AFAP1L2: variants seen among roughly 807,000 people sequenced by gnomAD.
AFAP1L2 encodes actin filament associated protein 1 like 2, also known as actin filament-associated protein 1-like 2.
AFAP1L2 carries 46 observed loss-of-function variants against 99.3 expected under a neutral mutation model. The ratio of observed to expected loss-of-function variants is 0.46; its 90% confidence interval spans 0.37 to 0.59. AFAP1L2 has a LOEUF of 0.59. AFAP1L2 is among the 20% of genes least tolerant of loss of function. The pLI, the probability that AFAP1L2 is intolerant of heterozygous loss-of-function variation, is 0.00. For missense variants in AFAP1L2, 959 were observed against 1,034.9 expected, an observed-to-expected ratio of 0.93 and a Z score of 1.01; for synonymous variants, 397 against 419.1, an observed-to-expected ratio of 0.95 and a Z score of 0.64.
In AFAP1L2 at chr10:114,331,889, C is replaced by A; in HGVS notation, c.229G>T (p.Glu77Ter). ...NAESQGKAPEEQGLLPNGEPS... is the reference protein window; with the variant it reads ...NAESQGKAPE ...TCCCCATTGGGTAGCAGGCCCTGCTCCTCAGGCGCTGCGGGCAGCAAAAGG... is the reference window on the plus strand; with the variant it reads ...TCCCCATTGGGTAGCAGGCCCTGCTACTCAGGCGCTGCGGGCAGCAAAAGG... Residue 77 changes from glutamate (E) to a stop codon, truncating the protein, a stop_gained, in exon 4 of 19, where the codon GAG becomes TAG. Coordinates refer to ENST00000304129, the MANE Select transcript of AFAP1L2 (RefSeq NM_001001936.3). LOFTEE classifies it high-confidence loss of function. The A allele has an allele frequency of 7.6e-7, 1 of 1,316,032 alleles. No individual in the cohort carries two copies. Among genetic ancestry groups the A allele is most frequent in the South Asian group, 2.4e-5 (1 of 42,528 alleles). 81.5% of individuals were successfully genotyped at this position (1,316,032 alleles called of 1,614,324 possible).
At chr10:114,324,278 C>T (rs1163515879) in intron 4 of AFAP1L2, among the ~76,000 whole-genome samples, 1 of 152,206 alleles carries the variant, frequency 6.6e-6, no homozygotes, top group Admixed American at 6.5e-5. Flanking sequence ...GAGTCTCATT[C>T]TGTCACCCAG....
chr10:114,332,572 T>C (rs2047396110), intron 3 of AFAP1L2, among the ~76,000 whole-genome samples: 2 of 152,196 alleles, frequency 1.3e-5, no homozygotes, highest in Non-Finnish European at 2.9e-5. Context: ...GCCTTTGTGG[T>C]TAAGTCACAG....
At chr10:114,374,931 A>T (rs2054607013) in intron 1 of AFAP1L2, among the ~76,000 whole-genome samples, 1 of 152,074 alleles carries the variant, frequency 6.6e-6, no homozygotes. Flanking sequence ...GGAGTTTGTC[A>T]TTAGACCAGA....
intron 2 of AFAP1L2, among the ~76,000 whole-genome samples, chr10:114,339,008 T>C (rs1361472228): frequency 6.6e-6 from 1 of 152,214 alleles, no homozygotes; most frequent in Non-Finnish European, 1.5e-5. Flanking sequence ...AGGTCTCAGT[T>C]TCCCCCTCTA....
chr10:114,340,527 C>T (rs1459002746), intron 2 of AFAP1L2, 76 bp downstream of exon 2: 1 of 1,517,196 alleles, frequency 6.6e-7, no homozygotes, highest in Non-Finnish European at 8.9e-7. Flanking sequence ...TGATCCTTAG[C>T]TATGGCAGCC....
intron 2 of AFAP1L2, 127 bp downstream of exon 2, chr10:114,340,476 G>C (rs1378665737): frequency 2.3e-6 from 3 of 1,319,590 alleles, no homozygotes; most frequent in Non-Finnish European, 3.1e-6. Flanking sequence ...CTGGCCTCCA[G>C]AAGTGTGAGA....
At chr10:114,375,998 A>T (rs2054746498) in intron 1 of AFAP1L2, among the ~76,000 whole-genome samples, 1 of 152,150 alleles carries the variant, frequency 6.6e-6, no homozygotes, top group African/African-American at 2.4e-5. Flanking sequence ...CAGAAAAGTG[A>T]CTTCAATTTT....
intron 1 of AFAP1L2, among the ~76,000 whole-genome samples, chr10:114,355,515 G>A (rs2051227457): frequency 6.6e-6 from 1 of 151,648 alleles, no homozygotes; most frequent in African/African-American, 2.4e-5. Flanking sequence ...GGTGGGCTGT[G>A]CTGTCAATTC....
At chr10:114,342,247 A>T (rs2048925710) in intron 1 of AFAP1L2, among the ~76,000 whole-genome samples, 1 of 152,182 alleles carries the variant, frequency 6.6e-6, no homozygotes, top group South Asian at 2.1e-4. Flanking sequence ...GTGGTCATCC[A>T]ACACTCCTAG....
intron 1 of AFAP1L2, among the ~76,000 whole-genome samples, chr10:114,370,348 T>C (rs1301869763): frequency 3.3e-5 from 5 of 152,178 alleles, no homozygotes. Context: ...TTGCTAAAAA[T>C]GTTTCTTTGC....
intron 1 of AFAP1L2, among the ~76,000 whole-genome samples, chr10:114,362,791 G>C (rs145982715): frequency 6.6e-5 from 10 of 152,254 alleles, no homozygotes; most frequent in African/African-American, 2.4e-4. Flanking sequence ...ACTTACAAAA[G>C]ATTAACCTCA....
In AFAP1L2 at chr10:114,310,259, T is replaced by C. The variant is rs186024757; in HGVS notation, c.882+95A>G. 9.8e-5 allele frequency: 125 copies of C among 1,275,438 alleles called. 1 individual carries two copies. Among genetic ancestry groups the C allele is most frequent in the Middle Eastern group, 7.7e-4 (4 of 5,202 alleles). 79.0% of individuals were successfully genotyped at this position (1,275,438 alleles called of 1,614,324 possible). On this transcript the variant is annotated intron_variant, in intron 8 of 18. Transcript: ENST00000304129. ...ATTGTATGTTTCTTATTAATTGGAC[T>C]GAAATATAAAAACGAAGCTCCCAAT... is the stretch of plus-strand genomic sequence containing the variant.
intron 1 of AFAP1L2, among the ~76,000 whole-genome samples, chr10:114,360,517 A>ATAGATAGATAGATAGATAGT (rs1554937735): frequency 1.4e-3 from 170 of 125,844 alleles, no homozygotes; most frequent in East Asian, 8.3e-3. Flanking sequence ...AGTTAGATAG[A>ATAGATAGATAGATAGATAGT]TAGATAGATA....
intron 1 of AFAP1L2, among the ~76,000 whole-genome samples, chr10:114,387,241 C>T (rs2056613067): frequency 6.6e-6 from 1 of 152,174 alleles, no homozygotes; most frequent in South Asian, 2.1e-4. Context: ...TTTCAAAACA[C>T]TTTTATGCAT....
intron 1 of AFAP1L2, among the ~76,000 whole-genome samples, chr10:114,350,656 G>T (rs1257374100): frequency 6.6e-6 from 1 of 152,206 alleles, no homozygotes; most frequent in African/African-American, 2.4e-5. Flanking sequence ...GCAGCCCCTG[G>T]CAGCTGATGG....
At chr10:114,289,296 A>AG in the AFAP1L2 span, 1 of 1,613,828 alleles carries the variant, frequency 6.2e-7, no homozygotes, top group Middle Eastern at 1.7e-4. Context: ...CAGGCGGGAG[A>AG]GGCGCAGAGG....
chr10:114,291,137 T>C (rs1160730073), downstream of AFAP1L2: 10 of 1,502,314 alleles, frequency 6.7e-6, no homozygotes, highest in Non-Finnish European at 9.1e-6. Flanking sequence ...GAGCAGGACC[T>C]GAAGGGGTCC....
chr10:114,337,217 C>G (rs1361320338), intron 2 of AFAP1L2, among the ~76,000 whole-genome samples: 1 of 152,264 alleles, frequency 6.6e-6, no homozygotes, highest in African/African-American at 2.4e-5. Context: ...CAAGCCCTGG[C>G]TCTGCCCTCA....
At chr10:114,313,253 A>G (rs528292243) in intron 7 of AFAP1L2, among the ~76,000 whole-genome samples, 125 of 152,204 alleles carry the variant, frequency 8.2e-4, no homozygotes, top group African/African-American at 3.0e-3. Context: ...CAAACTTTAC[A>G]TCCGCTGGAA....
Sources: allele counts gnomAD v4.1 joint callset (sites outside exome capture counted in the v4.1 genomes callset), GRCh38; gene constraint gnomAD v4.1.1; transcripts MANE v1.5; gene names NCBI Gene and HGNC (gene_info 2026-07-23, HGNC 2026-07-21).